Variants in MYO3B observed in about 807,000 individuals in gnomAD.
The protein encoded by MYO3B is myosin IIIB, also known as myosin-IIIb.
In MYO3B, 156 loss-of-function variants were observed where a neutral mutation model predicts 174.6. The observed-to-expected ratio is 0.89, with a 90% confidence interval of 0.78 to 1.02. The LOEUF (loss-of-function observed/expected upper bound fraction) is 1.02. Among genes scored for constraint, MYO3B ranks in the 50% least tolerant of loss-of-function variants. The pLI is 0.00. For missense variants in MYO3B, 1,632 were observed against 1,639.4 expected, an observed-to-expected ratio of 1.00 and a Z score of 0.08; for synonymous variants, 563 against 569.1, an observed-to-expected ratio of 0.99 and a Z score of 0.15.
chr2:170,275,720 AC>A (rs1475540492), intron 7 of MYO3B, among the ~76,000 whole-genome samples: 1 of 152,158 alleles, frequency 6.6e-6, no homozygotes, highest in Non-Finnish European at 1.5e-5. Flanking sequence ...GATGCATTGT[AC>A]CATAAAAACC....
chr2:170,627,485 G>A (rs559987941), intron 32 of MYO3B, among the ~76,000 whole-genome samples: 15 of 152,180 alleles, frequency 9.9e-5, no homozygotes, highest in Non-Finnish European at 2.1e-4. Flanking sequence ...ACTTCTTTGC[G>A]ATGGGTTCGA....
intron 7 of MYO3B, among the ~76,000 whole-genome samples, chr2:170,246,503 TATAAG>T (rs1486279004): frequency 1.3e-5 from 2 of 150,502 alleles, no homozygotes; most frequent in African/African-American, 2.5e-5. Flanking sequence ...CTGGTATCCT[TATAAG>T]AAGAGGAAAA....
intron 22 of MYO3B, among the ~76,000 whole-genome samples, chr2:170,437,902 A>G (rs1009813355): frequency 2.0e-5 from 3 of 152,186 alleles, no homozygotes; most frequent in African/African-American, 7.2e-5. Context: ...TTCAATGATT[A>G]GCAGTGTCCC....
intron 22 of MYO3B, among the ~76,000 whole-genome samples, chr2:170,418,434 G>A (rs1322548098): frequency 6.6e-6 from 1 of 152,202 alleles, no homozygotes; most frequent in African/African-American, 2.4e-5. Context: ...TTTTAAGCTG[G>A]AATCTGGAGA....
rs776143628 is a variant in MYO3B, at chr2:170,387,273, T to C, written c.1542T>C (p.Tyr514=). 24 of 1,614,024 alleles carry C rather than the reference T, an allele frequency of 1.5e-5. No homozygotes were observed. In the African/African-American group the frequency reaches 3.1e-4, roughly 21 times the overall value. The part of the protein sequence containing the change: ...GVVMGARISE[Y]LLEKSRVIKQ... ...TGATGGGGGCAAGAATCTCTGAATA[T>C]CTCCTGGAAAAATCCAGAGTTATAA... is the stretch of plus-strand genomic sequence containing the variant. Residue 514 remains tyrosine (Y), a synonymous_variant, in exon 14 of 35, where the codon TAT becomes TAC. Transcript: ENST00000408978.
chr2:170,403,065 G>T, intron 19 of MYO3B, 70 bp downstream of exon 19: 1 of 1,463,198 alleles, frequency 6.8e-7, no homozygotes. Context: ...ACAATTTGTA[G>T]CAGAAACCCT....
chr2:170,389,919 C>T (rs1249446668), intron 14 of MYO3B, among the ~76,000 whole-genome samples: 1 of 152,186 alleles, frequency 6.6e-6, no homozygotes, highest in Non-Finnish European at 1.5e-5. Context: ...ATTATGCTTT[C>T]TCACCTGGAC....
chr2:170,444,049 G>T lies in MYO3B; in HGVS notation c.2730+3G>T. 6.2e-7 allele frequency: 1 copy of T among 1,612,208 alleles called. No individual in the cohort carries two copies. Among genetic ancestry groups the T allele is most frequent in the Non-Finnish European group, 8.5e-7 (1 of 1,178,594 alleles). ...ATTTCAGTGCTGGGAAAGCCAAGGTGAGTAACAGATTTGCACCAAATATAG... is the reference window on the plus strand; with the variant it reads ...ATTTCAGTGCTGGGAAAGCCAAGGTTAGTAACAGATTTGCACCAAATATAG... On this transcript the variant is annotated splice_donor_region_variant and intron_variant, in intron 23 of 34. Coordinates refer to ENST00000408978, the MANE Select transcript of MYO3B (RefSeq NM_138995.5).
At chr2:170,617,060 A>C (rs1240286699) in intron 32 of MYO3B, among the ~76,000 whole-genome samples, 5 of 152,230 alleles carry the variant, frequency 3.3e-5, no homozygotes, top group African/African-American at 1.2e-4. Context: ...ATTTTTGATC[A>C]ATACCTGAGA....
intron 6 of MYO3B, 51 bp from the exon 7 acceptor site, chr2:170,235,940 A>C (rs2093064770): frequency 6.2e-7 from 1 of 1,608,744 alleles, no homozygotes. Context: ...TTTTTAGGAC[A>C]TCTGATGTGG....
chr2:170,292,752 A>T (rs4668236), intron 7 of MYO3B, among the ~76,000 whole-genome samples: 103,267 of 151,994 alleles, frequency 0.68, 35,230 homozygotes, highest in Admixed American at 0.74. Context: ...AAGACCTCTG[A>T]ATTGTACCTT....
intron 9 of MYO3B, among the ~76,000 whole-genome samples, chr2:170,372,651 A>G (rs1238707721): frequency 1.3e-5 from 2 of 152,192 alleles, no homozygotes; most frequent in Admixed American, 6.5e-5. Context: ...GAATCAGGTG[A>G]GAACAGTTCA....
intron 7 of MYO3B, among the ~76,000 whole-genome samples, chr2:170,296,880 CT>C (rs1283761991): frequency 6.6e-6 from 1 of 152,098 alleles, no homozygotes; most frequent in African/African-American, 2.4e-5. Context: ...GTGGGGAGGT[CT>C]ACACACTTTT....
chr2:170,500,682 A>G (rs1300709536), intron 27 of MYO3B, among the ~76,000 whole-genome samples: 3 of 152,210 alleles, frequency 2.0e-5, no homozygotes, highest in Non-Finnish European at 2.9e-5. Flanking sequence ...TGGACCAGTG[A>G]TGTAAAGCCC....
intron 22 of MYO3B, among the ~76,000 whole-genome samples, chr2:170,414,941 T>C (rs888174487): frequency 2.6e-5 from 4 of 152,258 alleles, no homozygotes; most frequent in Non-Finnish European, 5.9e-5. Flanking sequence ...TTGCTAAACT[T>C]ACTAGTCCTA....
chr2:170,353,072 T>A (rs947980784), intron 8 of MYO3B, among the ~76,000 whole-genome samples: 4 of 152,214 alleles, frequency 2.6e-5, no homozygotes, highest in African/African-American at 9.6e-5. Context: ...CCTAAAGGAA[T>A]TGAAAACTTA....
intron 21 of MYO3B, among the ~76,000 whole-genome samples, chr2:170,406,812 T>A (rs1015501407): frequency 6.6e-6 from 1 of 152,344 alleles, no homozygotes; most frequent in Non-Finnish European, 1.5e-5. Flanking sequence ...AGGAATTCTC[T>A]GAGGGTGTTC....
chr2:170,321,411 T>A (rs1310173868), intron 7 of MYO3B, among the ~76,000 whole-genome samples: 1 of 151,918 alleles, frequency 6.6e-6, no homozygotes, highest in Non-Finnish European at 1.5e-5. Flanking sequence ...TTAACTAACC[T>A]AATCAAGAAA....
chr2:170,465,313 G>T (rs964742989), intron 24 of MYO3B, among the ~76,000 whole-genome samples: 53 of 152,166 alleles, frequency 3.5e-4, no homozygotes, highest in African/African-American at 1.3e-3. Context: ...TACATGGCAA[G>T]AGAGGGAGGA....
Sources: gnomAD v4.1 joint callset for allele counts (sites outside exome capture counted in the v4.1 genomes callset) on GRCh38, gnomAD v4.1.1 for gene constraint, MANE v1.5 for transcripts, NCBI Gene and HGNC (gene_info 2026-07-23, HGNC 2026-07-21) for gene names.